The following PPP3CC variants were observed in gnomAD, a reference collection of about 807,000 sequenced individuals.
The protein encoded by PPP3CC is serine/threonine-protein phosphatase 2B catalytic subunit gamma isoform.
In PPP3CC, 35 loss-of-function variants were observed where a neutral mutation model predicts 60.3. That is an observed-to-expected ratio of 0.58 (90% CI 0.44 to 0.77). PPP3CC has a LOEUF of 0.77. PPP3CC is among the 30% of genes least tolerant of loss of function. The pLI, the probability that PPP3CC is intolerant of heterozygous loss-of-function variation, is 0.00. For missense variants in PPP3CC, 570 were observed against 628.9 expected (o/e 0.91, Z 1.00); for synonymous variants, 206 against 224.3 (o/e 0.92, Z 0.73).
intron 3 of PPP3CC, among the ~76,000 whole-genome samples, chr8:22,494,580 T>C (rs1451834891): frequency 1.3e-5 from 2 of 152,190 alleles, no homozygotes; most frequent in African/African-American, 2.4e-5. Flanking sequence ...GCGTTCTGTA[T>C]TTGTGGATAT....
At chr8:22,533,082 T>TA (rs1374852720) in intron 12 of PPP3CC, 64 bp downstream of exon 12, 7 of 1,235,648 alleles carry the variant, frequency 5.7e-6, no homozygotes, top group African/African-American at 3.1e-5. Flanking sequence ...AGCACACACT[T>TA]ACAAATGGGG....
At chr8:22,491,413 A>T (rs563920715) in intron 3 of PPP3CC, among the ~76,000 whole-genome samples, 2 of 152,262 alleles carry the variant, frequency 1.3e-5, no homozygotes, top group South Asian at 4.1e-4. Context: ...GTTTTAATTA[A>T]TGTTTCTCTA....
chr8:22,500,856 T>C (rs1471103435), intron 4 of PPP3CC, among the ~76,000 whole-genome samples: 1 of 152,196 alleles, frequency 6.6e-6, no homozygotes, highest in East Asian at 1.9e-4. Flanking sequence ...TGTTGGTGGA[T>C]GTTTAAATTG....
intron 1 of PPP3CC, among the ~76,000 whole-genome samples, chr8:22,471,977 A>T (rs993202747): frequency 1.3e-5 from 2 of 151,924 alleles, no homozygotes; most frequent in Admixed American, 1.3e-4. Flanking sequence ...AAATACAAAA[A>T]TTAGCCAGGC....
At chr8:22,536,397 T>G (rs1165496630) in intron 12 of PPP3CC, among the ~76,000 whole-genome samples, 2 of 152,262 alleles carry the variant, frequency 1.3e-5, no homozygotes, top group African/African-American at 2.4e-5. Flanking sequence ...GAAAATTTGC[T>G]GATCCACAAA....
chr8:22,532,203 C>T (rs1310689041), intron 10 of PPP3CC, 22 bp from the exon 11 acceptor site: 3 of 1,575,010 alleles, frequency 1.9e-6, no homozygotes, highest in Non-Finnish European at 2.6e-6. Flanking sequence ...CTTTAACTTA[C>T]TTATTCTTTG....
chr8:22,471,408 A>G (rs1400051461), intron 1 of PPP3CC, among the ~76,000 whole-genome samples: 1 of 151,558 alleles, frequency 6.6e-6, no homozygotes, highest in East Asian at 1.9e-4. Context: ...TGACTTTGTC[A>G]TTGTGAGAAC....
At chr8:22,525,491 C>CTTCTTTCTTTCTTTCTTCTTTCT (rs1839520936) in intron 8 of PPP3CC, among the ~76,000 whole-genome samples, 1 of 128,550 alleles carries the variant, frequency 7.8e-6, no homozygotes, top group African/African-American at 3.0e-5. Flanking sequence ...GCTTCCTTTT[C>CTTCTTTCTTTCTTTCTTCTTTCT]TTCTTTCTTT....
chr8:22,458,943 AG>A (rs1301837579), intron 1 of PPP3CC, among the ~76,000 whole-genome samples: 1 of 152,236 alleles, frequency 6.6e-6, no homozygotes, highest in African/African-American at 2.4e-5. Flanking sequence ...AATCAAATTA[AG>A]GAAGTCAGCA....
chr8:22,504,950 A>G (rs1838868986), intron 4 of PPP3CC, among the ~76,000 whole-genome samples: 1 of 151,566 alleles, frequency 6.6e-6, no homozygotes, highest in Non-Finnish European at 1.5e-5. Context: ...TTATTCCACA[A>G]ATACTCTGGG....
chr8:22,536,061 C>T (rs1471417537), intron 12 of PPP3CC, among the ~76,000 whole-genome samples: 2 of 152,146 alleles, frequency 1.3e-5, no homozygotes, highest in Admixed American at 6.5e-5. Flanking sequence ...TTGAATTCCT[C>T]CTTCTCTTTC....
intron 1 of PPP3CC, among the ~76,000 whole-genome samples, chr8:22,444,881 T>C (rs1189978807): frequency 6.6e-6 from 1 of 152,242 alleles, no homozygotes; most frequent in Non-Finnish European, 1.5e-5. Context: ...CACGTTCCTT[T>C]TCCTGTTTAA....
rs66505760 is a variant in PPP3CC at position 22,514,248 on chromosome 8, CAAAAAAAAAAAA to C, written c.770+828_770+839del. Among the ~76,000 whole-genome samples, 15 of 89,486 alleles carry C rather than the reference CAAAAAAAAAAAA, an allele frequency of 1.7e-4. No individual in the cohort carries two copies. The East Asian group carries it at 3.5e-3, about 21-fold the overall frequency. 58.7% of individuals were successfully genotyped at this position (89,486 alleles called of 152,430 possible). The stretch of plus-strand genomic sequence containing the variant: ...GTGCAACAGAGCAAGACTCTGTCTC[CAAAAAAAAAAAA>C]AAAAAAAAAAAGGAAGACATAAGAG... On this transcript the variant is annotated intron_variant, in intron 6 of 13. Transcript: ENST00000240139.
intron 12 of PPP3CC, among the ~76,000 whole-genome samples, chr8:22,535,461 GT>G (rs1312739106): frequency 1.3e-5 from 2 of 151,968 alleles, no homozygotes; most frequent in Non-Finnish European, 2.9e-5. Context: ...TTTCTATTTA[GT>G]TTTTTTCCCA....
intron 1 of PPP3CC, among the ~76,000 whole-genome samples, chr8:22,447,471 C>G (rs991174085): frequency 6.6e-6 from 1 of 151,874 alleles, no homozygotes; most frequent in Admixed American, 6.6e-5. Flanking sequence ...CGTGAGCCAC[C>G]GAGCCTGGCC....
intron 4 of PPP3CC, among the ~76,000 whole-genome samples, chr8:22,506,055 C>G (rs570189698): frequency 1.1e-3 from 169 of 152,068 alleles, no homozygotes; most frequent in Non-Finnish European, 2.1e-3. Flanking sequence ...TCCTCTCCCT[C>G]CTCCTACCCT....
chr8:22,479,808 G>A (rs1018770229), intron 3 of PPP3CC, among the ~76,000 whole-genome samples: 6 of 151,866 alleles, frequency 4.0e-5, no homozygotes, highest in Non-Finnish European at 8.8e-5. Flanking sequence ...CAGACTGAGC[G>A]GGCTTTGGTA....
intron 1 of PPP3CC, among the ~76,000 whole-genome samples, chr8:22,463,809 G>C (rs377637115): frequency 4.9e-4 from 73 of 148,510 alleles, no homozygotes; most frequent in Non-Finnish European, 6.4e-4. Context: ...TTTTTGAGAC[G>C]AAGTTTCTCT....
In PPP3CC at chr8:22,513,278, T is replaced by C. The variant is rs1266553063; in HGVS notation, c.631-15T>C. The C allele has an allele frequency of 1.2e-6, 2 of 1,601,728 alleles. No homozygotes were observed. The highest frequency in any genetic ancestry group is 1.7e-6 in the Non-Finnish European group (2 of 1,176,436). ...TCTCCTGATTTTTTTCTTTTGGCTT[T>C]TGTGTGTCTTCTAGTTAGACAGGTT... On this transcript the variant is annotated splice_polypyrimidine_tract_variant and intron_variant, in intron 5 of 13. Transcript: ENST00000240139.
Sources: gnomAD v4.1 joint callset for allele counts (sites outside exome capture counted in the v4.1 genomes callset) on GRCh38, gnomAD v4.1.1 for gene constraint, MANE v1.5 for transcripts, NCBI Gene and HGNC (gene_info 2026-07-23, HGNC 2026-07-21) for gene names.